Variants in TRDN observed in about 807,000 individuals in gnomAD.
The protein encoded by TRDN is triadin in skeletal muscle.
In TRDN, 161 loss-of-function variants were observed where a neutral mutation model predicts 149.7. That is an observed-to-expected ratio of 1.08 (90% CI 0.95 to 1.23). The LOEUF (loss-of-function observed/expected upper bound fraction) is 1.23, where lower values mean the gene tolerates loss of function less well. Among genes scored for constraint, TRDN ranks in the 50% most tolerant of loss-of-function variants. The pLI is 0.00. For synonymous variants in TRDN, 294 were observed against 250.5 expected (o/e 1.17, Z -1.64); for missense variants, 896 against 823.5 (o/e 1.09, Z -1.08).
chr6:123,272,177 A>G (rs550014562), intron 29 of TRDN, among the ~76,000 whole-genome samples: 100 of 152,086 alleles, frequency 6.6e-4, no homozygotes, highest in Non-Finnish European at 1.2e-3. Flanking sequence ...CTGAAGTACA[A>G]TTTATAAAAG....
chr6:123,539,095 C>G (rs986319547), intron 4 of TRDN, among the ~76,000 whole-genome samples: 1 of 152,090 alleles, frequency 6.6e-6, no homozygotes, highest in Non-Finnish European at 1.5e-5. Context: ...TATTCCTGAG[C>G]TACTACTCAA....
chr6:123,367,741 G>A (rs1354294315), intron 19 of TRDN, among the ~76,000 whole-genome samples: 3 of 152,158 alleles, frequency 2.0e-5, no homozygotes, highest in Non-Finnish European at 4.4e-5. Flanking sequence ...TCAGTATGTC[G>A]GAGGCATATT....
chr6:123,324,114 A>T (rs1452481816), intron 23 of TRDN, among the ~76,000 whole-genome samples: 1 of 152,156 alleles, frequency 6.6e-6, no homozygotes, highest in Non-Finnish European at 1.5e-5. Flanking sequence ...ACAAGCAGGC[A>T]TTCCTTAGTT....
intron 1 of TRDN, among the ~76,000 whole-genome samples, chr6:123,603,238 TATCTC>T (rs1369499470): frequency 1.1e-5 from 1 of 92,680 alleles, no homozygotes; most frequent in Non-Finnish European, 2.9e-5. Context: ...GTCTTAGTCT[TATCTC>T]AGAGGCCACA....
chr6:123,287,666 T>C (rs1031892187), intron 24 of TRDN, among the ~76,000 whole-genome samples: 1 of 152,154 alleles, frequency 6.6e-6, no homozygotes, highest in African/African-American at 2.4e-5. Flanking sequence ...CATGCTTGTG[T>C]TGATCATGGT....
chr6:123,345,764 A>T (rs9401660), intron 21 of TRDN, among the ~76,000 whole-genome samples: 3 of 151,864 alleles, frequency 2.0e-5, no homozygotes, highest in Non-Finnish European at 4.4e-5. Context: ...GGTCTTATAC[A>T]TAATTTAAAA....
At chr6:123,299,860 A>G (rs1323226743) in intron 24 of TRDN, among the ~76,000 whole-genome samples, 2 of 152,058 alleles carry the variant, frequency 1.3e-5, no homozygotes, top group Non-Finnish European at 2.9e-5. Flanking sequence ...TCAAATAATG[A>G]AAAACTAATA....
At chr6:123,388,902 G>A (rs1012055812) in intron 13 of TRDN, among the ~76,000 whole-genome samples, 1 of 151,996 alleles carries the variant, frequency 6.6e-6, no homozygotes, top group Non-Finnish European at 1.5e-5. Flanking sequence ...GCTGTGACTG[G>A]ATTAATCAAA....
intron 2 of TRDN, 79 bp from the exon 3 acceptor site, chr6:123,548,691 A>G: frequency 2.5e-6 from 3 of 1,180,708 alleles, no homozygotes; most frequent in South Asian, 3.3e-5. Flanking sequence ...GTTTTTACTG[A>G]TTTGTTGTTT....
At chr6:123,351,310 T>C in intron 21 of TRDN, 2 of 948,490 alleles carry the variant, frequency 2.1e-6, no homozygotes, top group Non-Finnish European at 2.5e-6. Flanking sequence ...CAACATCTTC[T>C]CAGATGGGCA....
intron 2 of TRDN, among the ~76,000 whole-genome samples, chr6:123,557,955 T>G (rs1258538018): frequency 6.6e-6 from 1 of 152,194 alleles, no homozygotes; most frequent in South Asian, 2.1e-4. Context: ...ACCTAAAATC[T>G]AAATGCCTTA....
chr6:123,631,469 T>C (rs534631499), intron 1 of TRDN, among the ~76,000 whole-genome samples: 1 of 152,162 alleles, frequency 6.6e-6, no homozygotes, highest in African/African-American at 2.4e-5. Context: ...CATATTATAA[T>C]AGATATTAAA....
At chr6:123,455,320 TA>T (rs148062198) in intron 10 of TRDN, among the ~76,000 whole-genome samples, 8,440 of 152,142 alleles carry the variant, frequency 0.055, 786 homozygotes, top group African/African-American at 0.19. Flanking sequence ...TGCATTTATT[TA>T]AAATGGGTTG....
At chr6:123,548,995 C>T (rs1260235456) in intron 2 of TRDN, among the ~76,000 whole-genome samples, 3 of 151,994 alleles carry the variant, frequency 2.0e-5, no homozygotes, top group Admixed American at 6.6e-5. Context: ...GAAAAGATGA[C>T]TCTGTAAGTT....
Position 123,378,875 on chromosome 6 carries a change from G to A in TRDN, c.1187-977C>T, listed in dbSNP as rs569867978. Reference sequence around the variant, plus strand: ...TCAGGAATCTACTTTTGTCAATATTGTATGAGACAAAGCATTATTTTGTTC... The same window carrying A: ...TCAGGAATCTACTTTTGTCAATATTATATGAGACAAAGCATTATTTTGTTC... On this transcript the variant is annotated intron_variant, in intron 16 of 40. Coordinates refer to ENST00000334268, the MANE Select transcript of TRDN (RefSeq NM_006073.4). Among the ~76,000 whole-genome samples, 14 of 152,128 alleles carry A rather than the reference G, an allele frequency of 9.2e-5. No individual in the cohort carries two copies. In the East Asian group the frequency reaches 2.7e-3, roughly 29 times the overall value.
rs538095206 is a variant in TRDN at position 123,315,794 on chromosome 6, C to T, written c.1510+663G>A. On this transcript the variant is annotated intron_variant, in intron 24 of 40. Coordinates refer to ENST00000334268, the MANE Select transcript of TRDN (RefSeq NM_006073.4). The stretch of plus-strand genomic sequence containing the variant: ...TTCCTTTTCTACATTTTCCCATATT[C>T]TATGATATTCATCCACTCAACCTTC... 3.3e-5 allele frequency among the ~76,000 whole-genome samples: 5 copies of T among 152,016 alleles called. No homozygotes were observed. The South Asian group carries it at 1.0e-3, about 32-fold the overall frequency.
intron 14 of TRDN, among the ~76,000 whole-genome samples, chr6:123,384,294 T>A (rs1421284630): frequency 6.6e-6 from 1 of 152,134 alleles, no homozygotes; most frequent in Non-Finnish European, 1.5e-5. Context: ...CCGTTTTAAG[T>A]TGTCAGTTAG....
intron 33 of TRDN, among the ~76,000 whole-genome samples, chr6:123,262,349 C>G (rs571672202): frequency 6.6e-6 from 1 of 152,050 alleles, no homozygotes; most frequent in African/African-American, 2.4e-5. Context: ...AAGAGAGAGA[C>G]ACAATTACTG....
At chr6:123,605,605 A>T (rs1346586393) in intron 1 of TRDN, among the ~76,000 whole-genome samples, 1 of 151,670 alleles carries the variant, frequency 6.6e-6, no homozygotes, top group Non-Finnish European at 1.5e-5. Flanking sequence ...TACAAAAAAA[A>T]AAAAAAAATA....
Sources: allele counts gnomAD v4.1 joint callset (sites outside exome capture counted in the v4.1 genomes callset), GRCh38; gene constraint gnomAD v4.1.1; transcripts MANE v1.5; gene names NCBI Gene and HGNC (gene_info 2026-07-23, HGNC 2026-07-21).